Variants in ANXA8 observed in about 807,000 individuals in gnomAD.
ANXA8 encodes annexin A8.
ANXA8 carries 9 observed loss-of-function variants against 26.8 expected under a neutral mutation model. That is an observed-to-expected ratio of 0.34 (90% CI 0.20 to 0.59). ANXA8 has a LOEUF of 0.59. ANXA8 is among the 20% of genes least tolerant of loss of function. ANXA8 has a pLI of 0.84. For missense variants in ANXA8, 83 were observed against 238.5 expected, an observed-to-expected ratio of 0.35 and a Z score of 4.29; for synonymous variants, 39 against 94.8, an observed-to-expected ratio of 0.41 and a Z score of 3.42.
At chr10:47,710,263 C>G in the ANXA8 span, 1 of 1,510,276 alleles carries the variant, frequency 6.6e-7, no homozygotes. Context: ...GACTTACTGG[C>G]ATATGTGTCC....
the ANXA8 span, among the ~76,000 whole-genome samples, chr10:47,570,989 G>A: frequency 0.048 from 7,242 of 150,752 alleles, 273 homozygotes; most frequent in Non-Finnish European, 0.073. Context: ...ATTACGAGGA[G>A]CCTATTAACA....
chr10:47,485,861 C>T (rs1840032413), upstream of ANXA8, among the ~76,000 whole-genome samples: 1 of 151,888 alleles, frequency 6.6e-6, no homozygotes, highest in Admixed American at 6.6e-5. Flanking sequence ...GTAATCCCAG[C>T]ACTTTGGGAG....
At chr10:47,701,335 C>T in the ANXA8 span, among the ~76,000 whole-genome samples, 1 of 151,550 alleles carries the variant, frequency 6.6e-6, no homozygotes, top group East Asian at 1.9e-4. Context: ...TACATATGTA[C>T]TTAGCTTTCA....
chr10:47,942,786 C>G, the ANXA8 span, among the ~76,000 whole-genome samples: 2 of 145,202 alleles, frequency 1.4e-5, no homozygotes, highest in South Asian at 4.3e-4. Flanking sequence ...TTATCGCTGT[C>G]GCTGAGATGG....
the ANXA8 span, among the ~76,000 whole-genome samples, chr10:47,575,254 GGAAA>G: frequency 1.1e-4 from 14 of 127,654 alleles, no homozygotes; most frequent in African/African-American, 3.8e-4. Context: ...AAGGAAGGAA[GGAAA>G]GAAAGAGAGA....
the ANXA8 span, among the ~76,000 whole-genome samples, chr10:47,700,722 T>C: frequency 2.0e-5 from 3 of 151,238 alleles, no homozygotes; most frequent in African/African-American, 7.3e-5. Flanking sequence ...CTGACAAACT[T>C]GGAGAAAATA....
At chr10:47,574,109 C>CT in the ANXA8 span, among the ~76,000 whole-genome samples, 1,038 of 25,212 alleles carry the variant, frequency 0.041, 84 homozygotes, top group African/African-American at 0.11. Context: ...AGTTTAACCT[C>CT]TTTTTTTTTT....
chr10:47,700,325 G>GTC, the ANXA8 span, among the ~76,000 whole-genome samples: 1 of 151,906 alleles, frequency 6.6e-6, no homozygotes, highest in African/African-American at 2.4e-5. Context: ...GTGGAATAGA[G>GTC]TAAGAAGATT....
At chr10:47,693,414 C>T in the ANXA8 span, among the ~76,000 whole-genome samples, 2 of 151,402 alleles carry the variant, frequency 1.3e-5, no homozygotes, top group Admixed American at 6.6e-5. Flanking sequence ...CTCAGCCTCC[C>T]GAATAGCTGG....
the ANXA8 span, among the ~76,000 whole-genome samples, chr10:47,700,945 G>A: frequency 2.0e-5 from 3 of 151,262 alleles, no homozygotes; most frequent in African/African-American, 7.3e-5. Context: ...AGCCAGGTGT[G>A]GTGGTGCATG....
the ANXA8 span, among the ~76,000 whole-genome samples, chr10:47,492,201 C>G: frequency 6.6e-6 from 1 of 151,046 alleles, no homozygotes; most frequent in African/African-American, 2.4e-5. Context: ...TCCTGGAGAC[C>G]CTGGCTCTGC....
the ANXA8 span, among the ~76,000 whole-genome samples, chr10:47,916,397 T>C: frequency 7.9e-6 from 1 of 126,844 alleles, no homozygotes; most frequent in African/African-American, 2.6e-5. Context: ...GCAAAGGGTC[T>C]GGCAGCCAAC....
chr10:47,670,093 A>C, the ANXA8 span, among the ~76,000 whole-genome samples: 1 of 151,850 alleles, frequency 6.6e-6, no homozygotes, highest in African/African-American at 2.4e-5. Flanking sequence ...TGGATATTTC[A>C]TATAAATGAA....
At chr10:47,959,252 T>A in the ANXA8 span, among the ~76,000 whole-genome samples, 1 of 147,308 alleles carries the variant, frequency 6.8e-6, no homozygotes, top group African/African-American at 2.6e-5. Flanking sequence ...AACTTAATGC[T>A]GGTTGCATGA....
chr10:47,507,632 G>T, the ANXA8 span: 4 of 1,527,798 alleles, frequency 2.6e-6, 1 homozygote, highest in Non-Finnish European at 3.5e-6. Context: ...CATTTGTTAG[G>T]CCTGCAGACA....
chr10:47,560,731 C>T, the ANXA8 span, among the ~76,000 whole-genome samples: 3 of 152,006 alleles, frequency 2.0e-5, no homozygotes, highest in Admixed American at 2.0e-4. Flanking sequence ...TGACTATTTT[C>T]CTGGCTTAGT....
the ANXA8 span, among the ~76,000 whole-genome samples, chr10:47,738,880 GT>G: frequency 6.6e-6 from 1 of 150,640 alleles, no homozygotes; most frequent in South Asian, 2.1e-4. Context: ...CAGTTTTTTT[GT>G]TTTTTTAAAT....
At chr10:47,768,673 G>A in the ANXA8 span, among the ~76,000 whole-genome samples, 1 of 151,634 alleles carries the variant, frequency 6.6e-6, no homozygotes, top group Admixed American at 6.6e-5. Flanking sequence ...GCAGAGGACA[G>A]CCTGCCCTCC....
At chr10:47,572,455 C>T in the ANXA8 span, among the ~76,000 whole-genome samples, 1 of 150,182 alleles carries the variant, frequency 6.7e-6, no homozygotes, top group South Asian at 2.1e-4. Flanking sequence ...GTAGCTCATG[C>T]CTGTAATCCT....
Sources: allele counts gnomAD v4.1 joint callset (sites outside exome capture counted in the v4.1 genomes callset), GRCh38; gene constraint gnomAD v4.1.1; transcripts MANE v1.5; gene names NCBI Gene and HGNC (gene_info 2026-07-23, HGNC 2026-07-21).